Variants in SPECC1 observed in about 807,000 individuals in gnomAD.
The protein encoded by SPECC1 is sperm antigen with calponin homology and coiled-coil domains 1.
In SPECC1, 62 loss-of-function variants were observed where a neutral mutation model predicts 104.1. The ratio of observed to expected loss-of-function variants is 0.60; its 90% confidence interval spans 0.49 to 0.74. SPECC1 has a LOEUF of 0.74. SPECC1 is among the 30% of genes least tolerant of loss of function. The pLI is 0.00. For synonymous variants in SPECC1, 513 were observed against 501.6 expected (o/e 1.02, Z -0.30); for missense variants, 1,306 against 1,310.5 (o/e 1.00, Z 0.05).
chr17:20,014,441 TTTG>T (rs1233387737), intron 1 of SPECC1, among the ~76,000 whole-genome samples: 1 of 152,218 alleles, frequency 6.6e-6, no homozygotes, highest in Non-Finnish European at 1.5e-5. Flanking sequence ...TTTTATTTCA[TTTG>T]TTTTCTTAAT....
chr17:20,236,945 T>C, intron 7 of SPECC1: 1 of 1,612,350 alleles, frequency 6.2e-7, no homozygotes, highest in South Asian at 1.1e-5. Flanking sequence ...CAGCCATCTC[T>C]AGATGAAAGG....
chr17:20,294,890 A>C (rs979458109), intron 12 of SPECC1, among the ~76,000 whole-genome samples: 1 of 152,152 alleles, frequency 6.6e-6, no homozygotes, highest in African/African-American at 2.4e-5. Context: ...CCTCAATACT[A>C]TTCTGTGAAT....
At chr17:20,269,467 C>T (rs1178458454) in intron 12 of SPECC1, among the ~76,000 whole-genome samples, 2 of 152,154 alleles carry the variant, frequency 1.3e-5, no homozygotes, top group Admixed American at 6.5e-5. Flanking sequence ...GTCTTGTTGC[C>T]CAGGCTGGAG....
intron 1 of SPECC1, among the ~76,000 whole-genome samples, chr17:20,075,550 C>T (rs1567826126): frequency 6.6e-6 from 1 of 152,138 alleles, no homozygotes; most frequent in Non-Finnish European, 1.5e-5. Flanking sequence ...CACCTGAAAT[C>T]CCAGCTACTC....
intron 3 of SPECC1, among the ~76,000 whole-genome samples, chr17:20,165,288 A>G (rs1247156364): frequency 6.6e-6 from 1 of 151,522 alleles, no homozygotes; most frequent in Non-Finnish European, 1.5e-5. Flanking sequence ...GCTTCCATTT[A>G]TAAGCAAGAA....
At chr17:20,083,967 A>T (rs1386165221) in intron 1 of SPECC1, among the ~76,000 whole-genome samples, 2 of 151,880 alleles carry the variant, frequency 1.3e-5, no homozygotes, top group Non-Finnish European at 2.9e-5. Flanking sequence ...TTCAATTTGC[A>T]TTTTCTTAAT....
At chr17:20,256,258 A>AC (rs977853166) in intron 10 of SPECC1, among the ~76,000 whole-genome samples, 5 of 152,146 alleles carry the variant, frequency 3.3e-5, no homozygotes, top group African/African-American at 1.2e-4. Context: ...TATCTCATTG[A>AC]CAGCCCTCCC....
intron 1 of SPECC1, among the ~76,000 whole-genome samples, chr17:20,065,490 A>G (rs1239471793): frequency 6.6e-6 from 1 of 152,250 alleles, no homozygotes; most frequent in East Asian, 1.9e-4. Context: ...CGCAAAGGAT[A>G]CAGATGAAGA....
chr17:20,282,055 G>T (rs2040788638), intron 12 of SPECC1, among the ~76,000 whole-genome samples: 1 of 152,280 alleles, frequency 6.6e-6, no homozygotes, highest in African/African-American at 2.4e-5. Context: ...CAGCCAGGGG[G>T]CAGGAGGTGT....
At chr17:20,090,619 T>A (rs1184044512) in intron 1 of SPECC1, among the ~76,000 whole-genome samples, 1 of 152,072 alleles carries the variant, frequency 6.6e-6, no homozygotes, top group Non-Finnish European at 1.5e-5. Flanking sequence ...GCTCTTATTT[T>A]ATTTCCATCT....
At chr17:20,309,333 T>C (rs1048760319) in intron 14 of SPECC1, among the ~76,000 whole-genome samples, 1 of 152,236 alleles carries the variant, frequency 6.6e-6, no homozygotes, top group Admixed American at 6.5e-5. Flanking sequence ...AATTGTCTTA[T>C]ATGTTTATAT....
intron 3 of SPECC1, among the ~76,000 whole-genome samples, chr17:20,200,911 AAGAAT>A (rs2036388626): frequency 6.6e-6 from 1 of 152,148 alleles, no homozygotes; most frequent in African/African-American, 2.4e-5. Context: ...AAAAAGGAAA[AAGAAT>A]AGATATAACA....
chr17:20,285,262 C>T lies in SPECC1; in HGVS notation c.2941-11699C>T, dbSNP rs144735047. On this transcript the variant is annotated intron_variant, in intron 12 of 14. Transcript: ENST00000395527. ...CATGAGTGCTGTCTCTACATTCCCC[C>T]GTCTGCAACTTTAGTACAACCTCAA... Among the ~76,000 whole-genome samples, 475 of 152,278 alleles carry T rather than the reference C, an allele frequency of 3.1e-3. 5 individuals carry two copies. The highest frequency in any genetic ancestry group is 0.011 in the African/African-American group (439 of 41,548).
intron 1 of SPECC1, among the ~76,000 whole-genome samples, chr17:20,046,793 A>G (rs2045556145): frequency 1.3e-5 from 2 of 149,942 alleles, no homozygotes; most frequent in Non-Finnish European, 3.0e-5. Flanking sequence ...TTCCTGATGT[A>G]CAGGAGGGGC....
In SPECC1 at chr17:20,253,533, C is replaced by A. The variant is rs2039709642; in HGVS notation, c.2627C>A (p.Pro876Gln). 2 of 1,614,058 alleles carry A rather than the reference C, an allele frequency of 1.2e-6. No individual in the cohort carries two copies. The highest frequency in any genetic ancestry group is 1.7e-6 in the Non-Finnish European group (2 of 1,180,036). Reference protein sequence around the residue: ...QRHSTYSSVRPASRGVTQRLD... With the variant: ...QRHSTYSSVRQASRGVTQRLD... Reference sequence around the variant, plus strand: ...CATTCGACTTACAGCAGTGTGCGGCCAGCCAGCAGAGGGGTGACTCAACGC... The same window carrying A: ...CATTCGACTTACAGCAGTGTGCGGCAAGCCAGCAGAGGGGTGACTCAACGC... The change falls in exon 10 of 15, where the codon CCA (proline) becomes CAA (glutamine). Residue 876 changes from proline to glutamine, a missense_variant. Coordinates refer to ENST00000395527, the MANE Select transcript of SPECC1 (RefSeq NM_001243439.2).
intron 1 of SPECC1, among the ~76,000 whole-genome samples, chr17:20,093,235 C>A (rs1400760929): frequency 2.0e-5 from 3 of 152,184 alleles, no homozygotes; most frequent in African/African-American, 7.2e-5. Flanking sequence ...CTGTCTGGTT[C>A]ATAGATGGAG....
chr17:20,231,186 C>T (rs1230562057), intron 5 of SPECC1, among the ~76,000 whole-genome samples: 2 of 152,178 alleles, frequency 1.3e-5, no homozygotes, highest in Non-Finnish European at 2.9e-5. Flanking sequence ...CACACATCCC[C>T]GGGTTCTGTC....
chr17:20,314,731 CA>C lies in SPECC1; in HGVS notation c.*667del, dbSNP rs1427239421. ...AAAACAACAAAACACAAAAAATAAA[CA>C]TTTGTTCCAGGGCAACCTGGAAACG... On this transcript the variant is annotated 3_prime_UTR_variant, in exon 15 of 15. Coordinates refer to ENST00000395527, the MANE Select transcript of SPECC1 (RefSeq NM_001243439.2). 1 of 122,784 alleles carries C rather than the reference CA, an allele frequency of 8.1e-6. No homozygotes were observed. Among genetic ancestry groups the C allele is most frequent in the Admixed American group, 1.3e-4 (1 of 7,880 alleles). The allele number at this position is 122,784 out of a possible 1,614,324, so 7.6% of individuals were successfully genotyped here.
intron 3 of SPECC1, among the ~76,000 whole-genome samples, chr17:20,143,856 C>T (rs1301820654): frequency 6.6e-6 from 1 of 152,178 alleles, no homozygotes; most frequent in African/African-American, 2.4e-5. Flanking sequence ...GTTGTCTGTA[C>T]CTGCAGCAGT....
Sources: gnomAD v4.1 joint callset for allele counts (sites outside exome capture counted in the v4.1 genomes callset) on GRCh38, gnomAD v4.1.1 for gene constraint, MANE v1.5 for transcripts, NCBI Gene and HGNC (gene_info 2026-07-23, HGNC 2026-07-21) for gene names.